CDC14B: variants seen among roughly 807,000 people sequenced by gnomAD.
CDC14B encodes dual specificity protein phosphatase CDC14B.
CDC14B carries 22 observed loss-of-function variants against 64.2 expected under a neutral mutation model. The ratio of observed to expected loss-of-function variants is 0.34; its 90% CI spans 0.24 to 0.49. The LOEUF (loss-of-function observed/expected upper bound fraction) is 0.49, where lower values mean the gene tolerates loss of function less well. Ranked by LOEUF, CDC14B falls within the 20% of genes least tolerant of loss-of-function variation. The probability of loss-of-function intolerance (pLI) is 0.99; values close to 1 mark genes in which losing one functional copy is unlikely to be tolerated. For synonymous variants in CDC14B, 191 were observed against 215.8 expected, an observed-to-expected ratio of 0.89 and a Z score of 1.01; for missense variants, 498 against 629.9, an observed-to-expected ratio of 0.79 and a Z score of 2.24.
At chr9:96,517,908 G>T (rs1315962899) in intron 12 of CDC14B, among the ~76,000 whole-genome samples, 1 of 151,558 alleles carries the variant, frequency 6.6e-6, no homozygotes, top group Non-Finnish European at 1.5e-5. Flanking sequence ...CTGGGCTCAA[G>T]TGATCCTGCT....
intron 12 of CDC14B, among the ~76,000 whole-genome samples, chr9:96,512,211 T>TA (rs61561306): frequency 0.2 from 26,824 of 135,474 alleles, 2,480 homozygotes; most frequent in African/African-American, 0.24. Context: ...AGACTTTGTA[T>TA]AAAAAAAAAA....
At chr9:96,566,927 G>A (rs1290671644) in intron 1 of CDC14B, 7 of 1,516,960 alleles carry the variant, frequency 4.6e-6, no homozygotes, top group South Asian at 1.2e-5. Context: ...AAAGGGCCGC[G>A]CGGGGCAGCG....
At chr9:96,553,152 A>G (rs1842047109) in intron 4 of CDC14B, among the ~76,000 whole-genome samples, 1 of 152,186 alleles carries the variant, frequency 6.6e-6, no homozygotes, top group South Asian at 2.1e-4. Context: ...GTTGATATCA[A>G]TGTGAAACTA....
chr9:96,615,745 G>A (rs1311826845), intron 1 of CDC14B, among the ~76,000 whole-genome samples: 1 of 152,280 alleles, frequency 6.6e-6, no homozygotes, highest in East Asian at 1.9e-4. Context: ...ACTCCTGGGT[G>A]TTATACTGAA....
At chr9:96,539,025 A>G (rs1839675592) in intron 7 of CDC14B, 53 bp downstream of exon 7, 2 of 1,169,696 alleles carry the variant, frequency 1.7e-6, no homozygotes, top group Admixed American at 1.8e-5. Context: ...ATTCCCCTCA[A>G]TAAAGCTGGG....
At chr9:96,595,858 T>C (rs1292013446) in intron 1 of CDC14B, among the ~76,000 whole-genome samples, 9 of 152,054 alleles carry the variant, frequency 5.9e-5, no homozygotes, top group Non-Finnish European at 1.5e-5. Context: ...GAGGGGATAA[T>C]GAAAATATAT....
intron 13 of CDC14B, among the ~76,000 whole-genome samples, chr9:96,506,559 T>C (rs1340369069): frequency 2.6e-5 from 4 of 152,236 alleles, no homozygotes; most frequent in African/African-American, 9.6e-5. Context: ...TAATCCTCAC[T>C]GTTAGACTCC....
At chr9:96,544,246 T>C (rs1400285874) in intron 5 of CDC14B, among the ~76,000 whole-genome samples, 2 of 152,068 alleles carry the variant, frequency 1.3e-5, no homozygotes, top group African/African-American at 4.8e-5. Context: ...TAAAAAAAGA[T>C]TAGTGTTTTT....
intron 12 of CDC14B, among the ~76,000 whole-genome samples, chr9:96,520,367 AT>A (rs1836497788): frequency 1.3e-5 from 2 of 151,986 alleles, no homozygotes; most frequent in African/African-American, 4.8e-5. Context: ...TTACTTATTT[AT>A]TTAGACAGGG....
chr9:96,585,609 GACA>G (rs1254009014), intron 1 of CDC14B, among the ~76,000 whole-genome samples: 1 of 152,144 alleles, frequency 6.6e-6, no homozygotes, highest in African/African-American at 2.4e-5. Flanking sequence ...AATTAGAAAT[GACA>G]ACACCAATTG....
Position 96,500,500 on chromosome 9 carries a change from C to T in CDC14B, c.*3253G>A, listed in dbSNP as rs975157251. 1 of 146,260 alleles carries T rather than the reference C, an allele frequency of 6.8e-6. No homozygotes were observed. The highest frequency in any genetic ancestry group is 2.6e-5 in the African/African-American group (1 of 38,624). The allele number at this position is 146,260 out of a possible 1,614,324, so 9.1% of individuals were successfully genotyped here. On this transcript the variant is annotated 3_prime_UTR_variant, in exon 14 of 14. Transcript: ENST00000375241. ...ATCATCGGATGAACATGTCTGCTGACAATTCTACCAGGTAATTAAGGAGGT... is the reference window on the plus strand; with the variant it reads ...ATCATCGGATGAACATGTCTGCTGATAATTCTACCAGGTAATTAAGGAGGT...
chr9:96,545,403 C>T (rs1299209625), intron 5 of CDC14B, among the ~76,000 whole-genome samples: 1 of 151,272 alleles, frequency 6.6e-6, no homozygotes, highest in East Asian at 1.9e-4. Context: ...CTGTAAGCTC[C>T]ACCTCCTGGG....
chr9:96,604,330 G>A (rs1588065997), intron 1 of CDC14B, among the ~76,000 whole-genome samples: 1 of 148,498 alleles, frequency 6.7e-6, no homozygotes, highest in Admixed American at 6.8e-5. Context: ...AAAAGGCCTC[G>A]TGAAGCTTGC....
intron 3 of CDC14B, among the ~76,000 whole-genome samples, chr9:96,563,708 G>A (rs534126975): frequency 1.3e-5 from 2 of 151,078 alleles, no homozygotes; most frequent in South Asian, 4.2e-4. Context: ...TACATTTTTG[G>A]TTGACCCAAA....
intron 1 of CDC14B, among the ~76,000 whole-genome samples, chr9:96,602,644 C>T (rs893214144): frequency 2.6e-5 from 4 of 152,058 alleles, no homozygotes; most frequent in South Asian, 2.1e-4. Flanking sequence ...AGACCTGCCC[C>T]CATGATTCAA....
intron 1 of CDC14B, among the ~76,000 whole-genome samples, chr9:96,603,108 T>C (rs1354789254): frequency 1.3e-5 from 2 of 150,136 alleles, no homozygotes; most frequent in Non-Finnish European, 1.5e-5. Flanking sequence ...AAAAACAAGA[T>C]GCAGAACAAT....
Position 96,585,910 on chromosome 9 carries a change from C to T in CDC14B, c.161-20427G>A, listed in dbSNP as rs75584481. Among the ~76,000 whole-genome samples the T allele has an allele frequency of 1.1e-3, 172 of 152,276 alleles. 2 individuals are homozygous for T. In the East Asian group the frequency reaches 0.019, roughly 17 times the overall value. On this transcript the variant is annotated intron_variant, in intron 1 of 13. Coordinates refer to ENST00000375241, the MANE Select transcript of CDC14B (RefSeq NM_033331.4). Reference sequence around the variant, plus strand: ...CGCATATATTCATACAAGGGAACACCGCTCAGCAGTAACAAAGGAATGAAG... The same window carrying T: ...CGCATATATTCATACAAGGGAACACTGCTCAGCAGTAACAAAGGAATGAAG...
intron 1 of CDC14B, among the ~76,000 whole-genome samples, chr9:96,592,059 T>C (rs1016802438): frequency 1.7e-4 from 26 of 151,966 alleles, no homozygotes; most frequent in African/African-American, 6.3e-4. Flanking sequence ...TTTAATTTCT[T>C]TCAGCAATGT....
chr9:96,619,462 G>A lies in CDC14B; in HGVS notation c.-84C>T. ...GCCGAGGCTCCCGCCAGCCCCGCGC[G>A]GGCGCTCGGGGCGGCGGGCGCAGAG... On this transcript the variant is annotated 5_prime_UTR_variant, in exon 1 of 14. Transcript: ENST00000375241. The A allele has an allele frequency of 1.3e-6, 1 of 749,100 alleles. No homozygotes were observed. Among genetic ancestry groups the A allele is most frequent in the Non-Finnish European group, 1.6e-6 (1 of 618,704 alleles). 46.4% of individuals were successfully genotyped at this position (749,100 alleles called of 1,614,324 possible). A position where few individuals can be genotyped will look rare whatever the true frequency, so the allele number is the denominator to read the frequency against.
Sources: allele counts gnomAD v4.1 joint callset (sites outside exome capture counted in the v4.1 genomes callset), GRCh38; gene constraint gnomAD v4.1.1; transcripts MANE v1.5; gene names NCBI Gene and HGNC (gene_info 2026-07-23, HGNC 2026-07-21).